The following PCDHGA1 variants were observed in gnomAD, a reference collection of about 807,000 sequenced individuals.
PCDHGA1 encodes the protein protocadherin gamma subfamily A, 1.
In PCDHGA1, 32 loss-of-function variants were observed where a neutral mutation model predicts 58.0. The ratio of observed to expected loss-of-function variants is 0.55; its 90% CI spans 0.42 to 0.74. The LOEUF is 0.74. Among genes scored for constraint, PCDHGA1 ranks in the 30% least tolerant of loss-of-function variants. The probability of loss-of-function intolerance (pLI) is 0.00; values close to 1 mark genes in which losing one functional copy is unlikely to be tolerated. For missense variants in PCDHGA1, 1,205 were observed against 1,182.3 expected (o/e 1.02, Z -0.28); for synonymous variants, 498 against 501.1 (o/e 0.99, Z 0.08).
intron 1 of PCDHGA1, chr5:141,339,056 G>A: frequency 2.5e-6 from 4 of 1,612,114 alleles, no homozygotes; most frequent in East Asian, 4.5e-5. Flanking sequence ...GGCCAGGGCC[G>A]GGCAGATTCG....
intron 1 of PCDHGA1, among the ~76,000 whole-genome samples, chr5:141,458,758 G>T (rs1473104567): frequency 1.3e-5 from 2 of 150,844 alleles, no homozygotes; most frequent in Non-Finnish European, 3.0e-5. Context: ...TTTGAGACAG[G>T]GTCTTGCTGT....
At position 141,476,379 on chromosome 5, in the gene PCDHGA1, T is replaced by TTCA. The variant is rs768549633; in HGVS notation, c.2422-18428_2422-18427insTCA. 9 of 1,614,126 alleles carry TTCA rather than the reference T, an allele frequency of 5.6e-6. No homozygotes were observed. The East Asian group carries it at 2.0e-4, about 36-fold the overall frequency. ...AACCGGGAGACCGGAGAGATGTTTG[T>TTCA]GAACGACCGTCTGGATCGAGAGGAG... On this transcript the variant is annotated intron_variant, in intron 1 of 3. Transcript: ENST00000517417. This position sits in a 1 kb window ranked among gnomAD's most constrained non-coding sequence, Gnocchi z 7.6.
At position 141,421,727 on chromosome 5, in the gene PCDHGA1, C is replaced by T. The variant is rs779718690; in HGVS notation, c.2422-73080C>T. The T allele has an allele frequency of 4.3e-6, 7 of 1,613,798 alleles. No individual in the cohort carries two copies. In the African/African-American group the frequency reaches 9.3e-5, roughly 22 times the overall value. ...AGGGATCCAGATGTGGGCGTGAACT[C>T]CCTCCAGAGCTACCAGCTCAGCCCT... On this transcript the variant is annotated intron_variant, in intron 1 of 3. Coordinates refer to ENST00000517417, the MANE Select transcript of PCDHGA1 (RefSeq NM_018912.3).
chr5:141,490,923 C>T lies in PCDHGA1; in HGVS notation c.2422-3884C>T. The T allele has an allele frequency of 6.2e-7, 1 of 1,613,668 alleles. No homozygotes were observed. Among genetic ancestry groups the T allele is most frequent in the South Asian group, 1.1e-5 (1 of 91,050 alleles). On this transcript the variant is annotated intron_variant, in intron 1 of 3. Coordinates refer to ENST00000517417, the MANE Select transcript of PCDHGA1 (RefSeq NM_018912.3). The surrounding 1 kb of genome is among the most constrained non-coding windows in gnomAD (Gnocchi z 5.4). ...TTGTCCTAGACGAGAATGATAATGC[C>T]CCAGCTGTGCTGCACCCACGGCCAG...
intron 1 of PCDHGA1, among the ~76,000 whole-genome samples, chr5:141,407,447 G>A (rs1347838571): frequency 3.9e-5 from 6 of 152,260 alleles, no homozygotes; most frequent in African/African-American, 2.4e-5. Context: ...ACCAGAACAC[G>A]AGGCTCACCA....
chr5:141,487,643 C>T lies in PCDHGA1; in HGVS notation c.2422-7164C>T. 1.2e-6 allele frequency: 2 copies of T among 1,614,104 alleles called. No homozygotes were observed. The highest frequency in any genetic ancestry group is 1.7e-6 in the Non-Finnish European group (2 of 1,179,986). Reference sequence around the variant, plus strand: ...GAGACCTTTGCAGGCTCAACAAATGCTTGAGGGTTATTCTGATCCAGGCAT... The same window carrying T: ...GAGACCTTTGCAGGCTCAACAAATGTTTGAGGGTTATTCTGATCCAGGCAT... On this transcript the variant is annotated intron_variant, in intron 1 of 3. Transcript: ENST00000517417. The surrounding 1 kb of genome is among the most constrained non-coding windows in gnomAD (Gnocchi z 5.0).
intron 1 of PCDHGA1, chr5:141,355,856 A>G: frequency 2.5e-6 from 4 of 1,612,380 alleles, no homozygotes; most frequent in Non-Finnish European, 2.5e-6. Flanking sequence ...GATGGAGGTG[A>G]CCCGGTTCGC....
At chr5:141,419,394 G>A (rs778450240) in intron 1 of PCDHGA1, 2 of 1,613,612 alleles carry the variant, frequency 1.2e-6, no homozygotes, top group East Asian at 2.2e-5. Flanking sequence ...GCGCAGAGCG[G>A]GGTGGTGTTC....
intron 1 of PCDHGA1, among the ~76,000 whole-genome samples, chr5:141,434,451 A>C (rs145324240): frequency 6.6e-6 from 1 of 152,210 alleles, no homozygotes; most frequent in Non-Finnish European, 1.5e-5. Context: ...GCTGGAAGGT[A>C]GTGGGTTTAC....
At position 141,409,564 on chromosome 5, in the gene PCDHGA1, G is replaced by C. The variant is rs374234556; in HGVS notation, c.2421+76459G>C. ...ACGACAACGCCCCAGTTTTCGACCA[G>C]ACGTCCTACGTGGTCCACGTGGCCG... On this transcript the variant is annotated intron_variant, in intron 1 of 3. Coordinates refer to ENST00000517417, the MANE Select transcript of PCDHGA1 (RefSeq NM_018912.3). The C allele has an allele frequency of 4.0e-5, 64 of 1,613,870 alleles. No individual in the cohort carries two copies. Among genetic ancestry groups the C allele is most frequent in the Non-Finnish European group, 5.2e-5 (61 of 1,179,914 alleles).
At chr5:141,465,867 A>G (rs1049493106) in intron 1 of PCDHGA1, among the ~76,000 whole-genome samples, 5 of 152,040 alleles carry the variant, frequency 3.3e-5, no homozygotes, top group African/African-American at 9.7e-5. Context: ...TCATGCCTGT[A>G]ATCCCAGCAC....
At chr5:141,375,511 A>G (rs372798366) in intron 1 of PCDHGA1, 69 of 1,613,842 alleles carry the variant, frequency 4.3e-5, no homozygotes, top group Non-Finnish European at 5.4e-5. Flanking sequence ...CTGTGAATGC[A>G]CTGGACCCTG....
At chr5:141,419,962 G>A in intron 1 of PCDHGA1, 1 of 1,614,092 alleles carries the variant, frequency 6.2e-7, no homozygotes, top group African/African-American at 1.3e-5. Context: ...TGATTTCTGT[G>A]CTCTTTCTCC....
At chr5:141,340,647 C>T (rs746420859) in intron 1 of PCDHGA1, 6 of 1,614,126 alleles carry the variant, frequency 3.7e-6, no homozygotes, top group South Asian at 1.1e-5. Flanking sequence ...AACGACAACG[C>T]GCCCGAGATC....
chr5:141,363,364 A>T (rs1230836148), intron 1 of PCDHGA1, among the ~76,000 whole-genome samples: 1 of 152,174 alleles, frequency 6.6e-6, no homozygotes, highest in Non-Finnish European at 1.5e-5. Flanking sequence ...CATTTTTTTC[A>T]ATCAAGAGGT....
chr5:141,448,763 A>AC (rs1372638258), intron 1 of PCDHGA1, among the ~76,000 whole-genome samples: 11 of 151,572 alleles, frequency 7.3e-5, no homozygotes, highest in Admixed American at 5.3e-4. Flanking sequence ...ACACGGTGAA[A>AC]CCCCGTCTGT....
At chr5:141,398,121 A>C (rs554777335) in intron 1 of PCDHGA1, 28 of 1,590,306 alleles carry the variant, frequency 1.8e-5, no homozygotes, top group Admixed American at 3.6e-5. Context: ...TGAGGAGAGC[A>C]AGAGGGATGG....
chr5:141,413,137 T>C, intron 1 of PCDHGA1: 1 of 1,550,612 alleles, frequency 6.4e-7, no homozygotes, highest in Non-Finnish European at 8.7e-7. Flanking sequence ...ACACAACGTG[T>C]CCAGTGAGGA....
rs749095017 is a variant in PCDHGA1, at chr5:141,489,455, G to A, written c.2422-5352G>A. 1 of 1,614,042 alleles carries A rather than the reference G, an allele frequency of 6.2e-7. No homozygotes were observed. ...CTGCAATTGGGCTCTGAGGAGAATGGGCGCTATTTTTCCCTGAGCTTGATG... is the reference window on the plus strand; with the variant it reads ...CTGCAATTGGGCTCTGAGGAGAATGAGCGCTATTTTTCCCTGAGCTTGATG... On this transcript the variant is annotated intron_variant, in intron 1 of 3. Coordinates refer to ENST00000517417, the MANE Select transcript of PCDHGA1 (RefSeq NM_018912.3). This position sits in a 1 kb window ranked among gnomAD's most constrained non-coding sequence, Gnocchi z 4.5.
Sources: allele counts gnomAD v4.1 joint callset (sites outside exome capture counted in the v4.1 genomes callset), GRCh38; gene constraint gnomAD v4.1.1; non-coding constraint Gnocchi (gnomAD v3.1); transcripts MANE v1.5; gene names NCBI Gene and HGNC (gene_info 2026-07-23, HGNC 2026-07-21).